Variants in SSR1 observed in about 807,000 individuals in gnomAD.
SSR1 encodes the protein translocon-associated protein subunit alpha.
Under a neutral mutation model 36.1 loss-of-function variants are expected in SSR1, and 13 were observed. That is an observed-to-expected ratio of 0.36 (90% CI 0.23 to 0.57). The LOEUF is 0.57. SSR1 is among the 20% of genes least tolerant of loss of function. SSR1 has a pLI of 0.81. For missense variants in SSR1, 291 were observed against 338.5 expected (o/e 0.86, Z 1.10); for synonymous variants, 113 against 118.9 (o/e 0.95, Z 0.32).
At chr6:7,295,541 A>AT (rs1209479338) in intron 6 of SSR1, 56 bp from the exon 7 acceptor site, 23 of 1,304,024 alleles carry the variant, frequency 1.8e-5, no homozygotes, top group African/African-American at 3.0e-5. Context: ...TTTACTTAAT[A>AT]TTTTTTAAAA....
At chr6:7,306,210 T>G (rs1186579622) in intron 2 of SSR1, among the ~76,000 whole-genome samples, 2 of 152,208 alleles carry the variant, frequency 1.3e-5, no homozygotes. Flanking sequence ...AGGCACGATC[T>G]CAGCTCACTG....
intron 2 of SSR1, among the ~76,000 whole-genome samples, chr6:7,308,492 C>A (rs1158597145): frequency 6.6e-6 from 1 of 151,634 alleles, no homozygotes; most frequent in Admixed American, 6.6e-5. Flanking sequence ...AAGTATGACA[C>A]GAAAATAGAA....
chr6:7,308,529 A>G (rs1437240358), intron 2 of SSR1, among the ~76,000 whole-genome samples: 1 of 152,242 alleles, frequency 6.6e-6, no homozygotes, highest in Admixed American at 6.5e-5. Context: ...AGGATGGATT[A>G]TAGTCGTTCC....
At chr6:7,299,382 A>G (rs1361170243) in intron 4 of SSR1, among the ~76,000 whole-genome samples, 1 of 152,200 alleles carries the variant, frequency 6.6e-6, no homozygotes, top group African/African-American at 2.4e-5. Flanking sequence ...CTAGATCGGA[A>G]CAAAAGTTAA....
chr6:7,297,986 C>T lies in SSR1; in HGVS notation c.636G>A (p.Met212Ile). Residue 212 changes from methionine (M) to isoleucine (I), a missense_variant, in exon 6 of 8, where the codon ATG becomes ATA. Coordinates refer to ENST00000244763, the MANE Select transcript of SSR1 (RefSeq NM_003144.5). ...CCAGAAGCCCAAGACCAGCAAGGAA[C>T]ATATACATAAAGATTCTGGTACAAA... ...GLDGETIFMYMFLAGLGLLVI... is the reference protein window; with the variant it reads ...GLDGETIFMYIFLAGLGLLVI... The T allele has an allele frequency of 1.2e-6, 2 of 1,613,110 alleles. No homozygotes were observed. The highest frequency in any genetic ancestry group is 1.7e-6 in the Non-Finnish European group (2 of 1,179,464).
rs1031143313 is a variant in SSR1 at position 7,286,456 on chromosome 6, C to T, written c.*3408G>A. 1 of 152,360 alleles carries T rather than the reference C, an allele frequency of 6.6e-6. No homozygotes were observed. The highest frequency in any genetic ancestry group is 1.5e-5 in the Non-Finnish European group (1 of 68,042). The allele number at this position is 152,360 out of a possible 1,614,324, so 9.4% of individuals were successfully genotyped here. Reference sequence around the variant, plus strand: ...AAGGATGAGCTTATAGACAGATTAACTTAACAACGAAACCTAACATTCCAC... The same window carrying T: ...AAGGATGAGCTTATAGACAGATTAATTTAACAACGAAACCTAACATTCCAC... On this transcript the variant is annotated 3_prime_UTR_variant, in exon 8 of 8. Transcript: ENST00000244763.
At chr6:7,297,778 C>T (rs1757834932) in intron 6 of SSR1, 145 bp downstream of exon 6, 4 of 571,342 alleles carry the variant, frequency 7.0e-6, no homozygotes, top group Admixed American at 3.2e-5. Flanking sequence ...ATATCTAAGG[C>T]TTCAGGTTTT....
At chr6:7,308,531 A>T (rs563476881) in intron 2 of SSR1, among the ~76,000 whole-genome samples, 1 of 152,232 alleles carries the variant, frequency 6.6e-6, no homozygotes, top group African/African-American at 2.4e-5. Context: ...GATGGATTAT[A>T]GTCGTTCCAG....
Position 7,295,380 on chromosome 6 carries a change from A to C in SSR1, c.793+12T>G. ...AGAAAAACTTCCCAGCCAAGTCTGT[A>C]AGACTACTTACTGATTTGATTCAAT... is the stretch of plus-strand genomic sequence containing the variant. On this transcript the variant is annotated intron_variant, in intron 7 of 7. Coordinates refer to ENST00000244763, the MANE Select transcript of SSR1 (RefSeq NM_003144.5). 6.3e-7 allele frequency: 1 copy of C among 1,595,832 alleles called. No individual in the cohort carries two copies. The highest frequency in any genetic ancestry group is 8.6e-7 in the Non-Finnish European group (1 of 1,168,068).
intron 7 of SSR1, among the ~76,000 whole-genome samples, chr6:7,293,010 T>C (rs1757716979): frequency 1.3e-5 from 2 of 151,978 alleles, no homozygotes; most frequent in Non-Finnish European, 2.9e-5. Context: ...GCCAATACAG[T>C]CATCTCTATT....
chr6:7,307,065 AG>A (rs1758084414), intron 2 of SSR1, among the ~76,000 whole-genome samples: 1 of 152,120 alleles, frequency 6.6e-6, no homozygotes, highest in Non-Finnish European at 1.5e-5. Flanking sequence ...ACTTGACTCC[AG>A]GACACTGGCC....
intron 1 of SSR1, among the ~76,000 whole-genome samples, chr6:7,310,615 G>C (rs1161115653): frequency 2.6e-5 from 4 of 152,172 alleles, no homozygotes; most frequent in African/African-American, 7.2e-5. Flanking sequence ...ACGTTTAAAA[G>C]AAAACAGCAT....
chr6:7,289,768 T>C lies in SSR1; in HGVS notation c.*96A>G, dbSNP rs1434637394. On this transcript the variant is annotated 3_prime_UTR_variant, in exon 8 of 8. Transcript: ENST00000244763. ...AGTCCACACACAAGTAGGAGTTGCC[T>C]TCTATGGTGACATGGCTTCTCTGCA... 4 of 1,139,810 alleles carry C rather than the reference T, an allele frequency of 3.5e-6. No homozygotes were observed. Among genetic ancestry groups the C allele is most frequent in the African/African-American group, 1.6e-5 (1 of 61,702 alleles). 70.6% of individuals were successfully genotyped at this position (1,139,810 alleles called of 1,614,324 possible).
chr6:7,310,079 A>G, intron 1 of SSR1, 50 bp from the exon 2 acceptor site: 3 of 1,503,776 alleles, frequency 2.0e-6, no homozygotes, highest in Non-Finnish European at 2.8e-6. Flanking sequence ...TGAAATACTA[A>G]TTTCTTTTTT....
At chr6:7,306,927 G>GT (rs146300896) in intron 2 of SSR1, among the ~76,000 whole-genome samples, 16,452 of 146,470 alleles carry the variant, frequency 0.11, 1,272 homozygotes, top group Non-Finnish European at 0.18. Flanking sequence ...GGTGGTGGGG[G>GT]GGTGGGGGAA....
chr6:7,305,995 G>C (rs1039709310), intron 2 of SSR1, among the ~76,000 whole-genome samples: 4 of 152,254 alleles, frequency 2.6e-5, no homozygotes, highest in Non-Finnish European at 4.4e-5. Context: ...CTCCAGAGGA[G>C]AGTATAGAAA....
Position 7,297,907 on chromosome 6 carries a change from G to T in SSR1, c.699+16C>A. On this transcript the variant is annotated intron_variant, in intron 6 of 7. Transcript: ENST00000244763. ...CTTTTGAAACACGGCTGTAAGAGGT[G>T]TTCATCCATAATTACCTTTCTAGAT... 1 of 1,605,372 alleles carries T rather than the reference G, an allele frequency of 6.2e-7. No homozygotes were observed. The highest frequency in any genetic ancestry group is 1.1e-5 in the South Asian group (1 of 90,746).
chr6:7,296,441 T>C lies in SSR1; in HGVS notation c.700-956A>G, dbSNP rs77661655. 6.7e-3 allele frequency among the ~76,000 whole-genome samples: 1,025 copies of C among 152,336 alleles called. 11 individuals carry two copies. Among genetic ancestry groups the C allele is most frequent in the African/African-American group, 0.023 (953 of 41,574 alleles). The stretch of plus-strand genomic sequence containing the variant: ...GAAATTAACATTTAAACACAAAGTA[T>C]TTCTCTTTTAAAGAGAAAGAGCTTA... On this transcript the variant is annotated intron_variant, in intron 6 of 7. Transcript: ENST00000244763.
At position 7,284,569 on chromosome 6, in the gene SSR1, G is replaced by A. The variant is rs1172794250; in HGVS notation, c.*5295C>T. The A allele has an allele frequency of 6.6e-6, 1 of 152,160 alleles. No homozygotes were observed. Among genetic ancestry groups the A allele is most frequent in the African/African-American group, 2.4e-5 (1 of 41,432 alleles). The allele number at this position is 152,160 out of a possible 1,614,324, so 9.4% of individuals were successfully genotyped here. On this transcript the variant is annotated 3_prime_UTR_variant, in exon 8 of 8. Coordinates refer to ENST00000244763, the MANE Select transcript of SSR1 (RefSeq NM_003144.5). Reference sequence around the variant, plus strand: ...AGCAGTCACTTAAGCGGCTTACTGAGACCCAGGCAATGTTCTAAGCAGCTA... The same window carrying A: ...AGCAGTCACTTAAGCGGCTTACTGAAACCCAGGCAATGTTCTAAGCAGCTA...
Sources: gnomAD v4.1 joint callset for allele counts (sites outside exome capture counted in the v4.1 genomes callset) on GRCh38, gnomAD v4.1.1 for gene constraint, MANE v1.5 for transcripts, NCBI Gene and HGNC (gene_info 2026-07-23, HGNC 2026-07-21) for gene names.